Variants in GLS observed in about 807,000 individuals in gnomAD.
The protein encoded by GLS is glutaminase.
In GLS, 36 loss-of-function variants were observed where a neutral mutation model predicts 86.7. The ratio of observed to expected loss-of-function variants is 0.42; its 90% confidence interval spans 0.32 to 0.55. The LOEUF (loss-of-function observed/expected upper bound fraction) is 0.55, where lower values mean the gene tolerates loss of function less well. Among genes scored for constraint, GLS ranks in the 20% least tolerant of loss-of-function variants. The probability of loss-of-function intolerance (pLI) is 0.17; values close to 1 mark genes in which losing one functional copy is unlikely to be tolerated. For missense variants in GLS, 528 were observed against 833.4 expected (o/e 0.63, Z 4.51); for synonymous variants, 317 against 305.9 (o/e 1.04, Z -0.38).
chr2:190,952,841 C>T (rs979183534), intron 14 of GLS, among the ~76,000 whole-genome samples: 1 of 152,152 alleles, frequency 6.6e-6, no homozygotes, highest in Non-Finnish European at 1.5e-5. Flanking sequence ...AGACCAAAAT[C>T]CAATGGCTTT....
In GLS at chr2:190,954,670, G is replaced by A; in HGVS notation, c.1789+10G>A. On this transcript the variant is annotated intron_variant, in intron 16 of 17. Coordinates refer to ENST00000320717, the MANE Select transcript of GLS (RefSeq NM_014905.5). The surrounding 1 kb of genome is among the most constrained non-coding windows in gnomAD (Gnocchi z 4.0). ...GTAGCTGCTGCAGAGGGTAATACAG[G>A]AACTACTCCTATCTATTTTCTTTCC... The A allele has an allele frequency of 2.5e-6, 4 of 1,607,818 alleles. No individual in the cohort carries two copies. Among genetic ancestry groups the A allele is most frequent in the Non-Finnish European group, 3.4e-6 (4 of 1,174,290 alleles).
At chr2:190,945,622 A>G (rs1690557917) in intron 14 of GLS, among the ~76,000 whole-genome samples, 1 of 151,826 alleles carries the variant, frequency 6.6e-6, no homozygotes, top group African/African-American at 2.4e-5. Flanking sequence ...CCATGATTGC[A>G]GCACGGCACT....
rs183510410 is a variant in GLS, at chr2:190,940,866, C to G, written c.1650+9229C>G. On this transcript the variant is annotated intron_variant, in intron 14 of 17. Coordinates refer to ENST00000320717, the MANE Select transcript of GLS (RefSeq NM_014905.5). ...CCTCTATATAAATGAAAATGTATAA[C>G]CTTTAAAATTATTTTCTTTTGGTCT... 1.3e-4 allele frequency among the ~76,000 whole-genome samples: 20 copies of G among 151,784 alleles called. No individual in the cohort carries two copies. The East Asian group carries it at 3.7e-3, about 28-fold the overall frequency.
At chr2:190,937,845 T>G (rs1690317123) in intron 14 of GLS, among the ~76,000 whole-genome samples, 1 of 149,724 alleles carries the variant, frequency 6.7e-6, no homozygotes, top group Non-Finnish European at 1.5e-5. Context: ...TGTGGGTTTT[T>G]TTTTTTTTTT....
intron 1 of GLS, among the ~76,000 whole-genome samples, chr2:190,892,152 CT>C (rs1688585200): frequency 6.6e-6 from 1 of 152,042 alleles, no homozygotes; most frequent in South Asian, 2.1e-4. Context: ...GATTTTTCTT[CT>C]TTTTCATTAA....
At position 190,954,678 on chromosome 2, in the gene GLS, CCTAT is replaced by C. The variant is rs746787520; in HGVS notation, c.1789+23_1789+26del. ...TGCAGAGGGTAATACAGGAACTACT[CCTAT>C]CTATTTTCTTTCCAGATTTAATTTC... is the stretch of plus-strand genomic sequence containing the variant. On this transcript the variant is annotated intron_variant, in intron 16 of 17. Transcript: ENST00000320717. The surrounding 1 kb of genome is among the most constrained non-coding windows in gnomAD (Gnocchi z 4.0). The C allele has an allele frequency of 1.1e-5, 18 of 1,606,342 alleles. No individual in the cohort carries two copies. Among genetic ancestry groups the C allele is most frequent in the East Asian group, 1.1e-4 (5 of 44,834 alleles).
chr2:190,907,243 G>GT (rs57623604), intron 6 of GLS, among the ~76,000 whole-genome samples: 59,919 of 134,986 alleles, frequency 0.44, 16,327 homozygotes, highest in Non-Finnish European at 0.62. Flanking sequence ...AATAACAGTA[G>GT]TTTTTTTTTT....
chr2:190,926,432 C>T (rs1178529744), intron 11 of GLS, among the ~76,000 whole-genome samples: 2 of 152,236 alleles, frequency 1.3e-5, no homozygotes, highest in African/African-American at 4.8e-5. Flanking sequence ...ATTTCCAAAC[C>T]CCTTTGTGCC....
At position 190,938,789 on chromosome 2, in the gene GLS, A is replaced by T. The variant is rs1690346853; in HGVS notation, c.1650+7152A>T. The stretch of plus-strand genomic sequence containing the variant: ...TTATTTGGCAGATGGTACCATCAGC[A>T]TTTATTAAAACTAATTGTATTTTTC... On this transcript the variant is annotated intron_variant, in intron 14 of 17. Coordinates refer to ENST00000320717, the MANE Select transcript of GLS (RefSeq NM_014905.5). This position sits in a 1 kb window ranked among gnomAD's most constrained non-coding sequence, Gnocchi z 4.1. Among the ~76,000 whole-genome samples the T allele has an allele frequency of 6.6e-6, 1 of 151,746 alleles. No individual in the cohort carries two copies. Among genetic ancestry groups the T allele is most frequent in the Admixed American group, 6.6e-5 (1 of 15,220 alleles).
chr2:190,910,761 A>G (rs1188871390), intron 7 of GLS, among the ~76,000 whole-genome samples: 1 of 151,878 alleles, frequency 6.6e-6, no homozygotes, highest in Non-Finnish European at 1.5e-5. Context: ...GACAAAGTAC[A>G]TTTACCCTCA....
chr2:190,930,527 G>C lies in GLS; in HGVS notation c.1516G>C (p.Asp506His). Residue 506 changes from aspartate (D) to histidine (H), a missense_variant, in exon 13 of 18, where the codon GAT becomes CAT. Physicochemically the swap from Asp to His is moderately conservative, Grantham distance 81 (BLOSUM62 -1). This residue lies in a region of GLS where 163 missense variants were observed against 429.2 expected (regional missense o/e 0.38). Transcript: ENST00000320717. This position sits in a 1 kb window ranked among gnomAD's most constrained non-coding sequence, Gnocchi z 5.0. ...MGMMCWSPPL[D>H]KMGNSVKGIH... is the part of the protein sequence containing the mutation. Reference sequence around the variant, plus strand: ...TATGATGTGCTGGTCTCCTCCTCTGGATAAGATGGGCAACAGTGTTAAGGG... The same window carrying C: ...TATGATGTGCTGGTCTCCTCCTCTGCATAAGATGGGCAACAGTGTTAAGGG... The C allele has an allele frequency of 1.9e-6, 3 of 1,612,970 alleles. No individual in the cohort carries two copies. The highest frequency in any genetic ancestry group is 2.5e-6 in the Non-Finnish European group (3 of 1,179,148).
rs1377632215 is a variant in GLS at position 190,906,177 on chromosome 2, CTTTA to C, written c.979+1015_979+1018del. On this transcript the variant is annotated intron_variant, in intron 6 of 17. Coordinates refer to ENST00000320717, the MANE Select transcript of GLS (RefSeq NM_014905.5). ...AATAAGGACATCATATGCAGAAGCACTTTATTTACTAAGCTCATTGACATCTAGA... is the reference window on the plus strand; with the variant it reads ...AATAAGGACATCATATGCAGAAGCACTTTACTAAGCTCATTGACATCTAGA... 2.0e-5 allele frequency among the ~76,000 whole-genome samples: 3 copies of C among 152,100 alleles called. No homozygotes were observed. The South Asian group carries it at 6.2e-4, about 32-fold the overall frequency.
Position 190,895,836 on chromosome 2 carries a change from A to C in GLS, c.605+111A>C. 2.7e-6 allele frequency: 2 copies of C among 732,344 alleles called. No homozygotes were observed. The highest frequency in any genetic ancestry group is 4.4e-6 in the Non-Finnish European group (2 of 452,884). 45.4% of individuals were successfully genotyped at this position (732,344 alleles called of 1,614,324 possible). A position where few individuals can be genotyped will look rare whatever the true frequency, so the allele number is the denominator to read the frequency against. On this transcript the variant is annotated intron_variant, in intron 3 of 17. Transcript: ENST00000320717. This position sits in a 1 kb window ranked among gnomAD's most constrained non-coding sequence, Gnocchi z 4.2. ...CCACTGCTTCCTGTGTAATGGAAAA[A>C]GGGGATTTATAAACATCATTTGTTT...
chr2:190,965,161 T>TATCA lies in GLS; in HGVS notation c.*2176_*2179dup, dbSNP rs1691093651. 6.6e-6 allele frequency: 1 copy of TATCA among 152,646 alleles called. No individual in the cohort carries two copies. The highest frequency in any genetic ancestry group is 2.4e-5 in the African/African-American group (1 of 41,452). 9.5% of individuals were successfully genotyped at this position (152,646 alleles called of 1,614,324 possible). ...AAAGATCTTTTTGTTTTGGCTTTAG[T>TATCA]ATCATATGTGCTTTTTCTGTATCCT... On this transcript the variant is annotated 3_prime_UTR_variant, in exon 18 of 18. Transcript: ENST00000320717. The surrounding 1 kb of genome is among the most constrained non-coding windows in gnomAD (Gnocchi z 5.0).
Position 190,895,071 on chromosome 2 carries a change from G to A in GLS, c.387-81G>A. 1 of 675,564 alleles carries A rather than the reference G, an allele frequency of 1.5e-6. No homozygotes were observed. Among genetic ancestry groups the A allele is most frequent in the Middle Eastern group, 2.9e-4 (1 of 3,480 alleles). 41.8% of individuals were successfully genotyped at this position (675,564 alleles called of 1,614,324 possible). A position where few individuals can be genotyped will look rare whatever the true frequency, so the allele number is the denominator to read the frequency against. Reference sequence around the variant, plus strand: ...AGCTCAGCTGTAGTCTAGTTTAGTGGTTATTTAACAATGGATTTAGTTAAA... The same window carrying A: ...AGCTCAGCTGTAGTCTAGTTTAGTGATTATTTAACAATGGATTTAGTTAAA... On this transcript the variant is annotated intron_variant, in intron 1 of 17. Coordinates refer to ENST00000320717, the MANE Select transcript of GLS (RefSeq NM_014905.5). This position sits in a 1 kb window ranked among gnomAD's most constrained non-coding sequence, Gnocchi z 4.2.
chr2:190,903,888 T>C (rs771942512), intron 5 of GLS, among the ~76,000 whole-genome samples: 1 of 152,180 alleles, frequency 6.6e-6, no homozygotes, highest in Non-Finnish European at 1.5e-5. Flanking sequence ...AATGAATGCT[T>C]TGTGATGTGT....
In GLS at chr2:190,905,330, T is replaced by C; in HGVS notation, c.979+163T>C. The C allele has an allele frequency of 1.8e-6, 1 of 556,604 alleles. No homozygotes were observed. Among genetic ancestry groups the C allele is most frequent in the Non-Finnish European group, 3.2e-6 (1 of 316,742 alleles). The allele number at this position is 556,604 out of a possible 1,614,324, so 34.5% of individuals were successfully genotyped here. A position where few individuals can be genotyped will look rare whatever the true frequency, so the allele number is the denominator to read the frequency against. On this transcript the variant is annotated intron_variant, in intron 6 of 17. Coordinates refer to ENST00000320717, the MANE Select transcript of GLS (RefSeq NM_014905.5). This position sits in a 1 kb window ranked among gnomAD's most constrained non-coding sequence, Gnocchi z 4.6. ...ATCACCTACTTTTAAAAATGATTAT[T>C]TTAGGCATCTCATACCACTGGGAAG... is the stretch of plus-strand genomic sequence containing the variant.
chr2:190,899,052 G>C, intron 3 of GLS, among the ~76,000 whole-genome samples: 1 of 152,276 alleles, frequency 6.6e-6, no homozygotes, highest in East Asian at 1.9e-4. Context: ...AAGTGCATTT[G>C]ATTTGTTGTA....
intron 1 of GLS, among the ~76,000 whole-genome samples, chr2:190,892,734 C>T (rs892146496): frequency 6.6e-6 from 1 of 152,116 alleles, no homozygotes; most frequent in Non-Finnish European, 1.5e-5. Flanking sequence ...AGATCAAAAT[C>T]TGAGGTTTCA....
Sources: allele counts gnomAD v4.1 joint callset (sites outside exome capture counted in the v4.1 genomes callset), GRCh38; gene constraint gnomAD v4.1.1; regional missense constraint gnomAD v4.1.1; non-coding constraint Gnocchi (gnomAD v3.1); transcripts MANE v1.5; gene names NCBI Gene and HGNC (gene_info 2026-07-23, HGNC 2026-07-21).